Variants in ZIM2 observed in about 807,000 individuals in gnomAD.
ZIM2 encodes zinc finger imprinted 2.
ZIM2 carries 14 observed loss-of-function variants against 38.6 expected under a neutral mutation model. The observed-to-expected ratio is 0.36, with a 90% CI of 0.24 to 0.57. ZIM2 has a LOEUF of 0.57. Among genes scored for constraint, ZIM2 ranks in the 20% least tolerant of loss-of-function variants. The pLI, the probability that ZIM2 is intolerant of heterozygous loss-of-function variation, is 0.81. For synonymous variants in ZIM2, 247 were observed against 245.8 expected (o/e 1.00, Z -0.04); for missense variants, 680 against 695.1 (o/e 0.98, Z 0.24).
At chr19:56,830,356 G>A (rs1384491137) in intron 2 of ZIM2, among the ~76,000 whole-genome samples, 1 of 152,192 alleles carries the variant, frequency 6.6e-6, no homozygotes, top group Admixed American at 6.5e-5. Flanking sequence ...AGGGGAAGGG[G>A]AGCCCACAAG....
In ZIM2 at chr19:56,815,316, G is replaced by A. The variant is rs550298824; in HGVS notation, c.490+2430C>T. 6.4e-5 allele frequency: 103 copies of A among 1,614,160 alleles called. 1 individual carries two copies. In the South Asian group the frequency reaches 1.0e-3, roughly 16 times the overall value. ...TCTGGTTTGTGTTGAGGTCTTCGCT[G>A]GTAGCAAAAAATTGTCTGAAGTCCT... On this transcript the variant is annotated intron_variant, in intron 9 of 12. Coordinates refer to ENST00000629319, the MANE Select transcript of ZIM2 (RefSeq NM_001387356.1).
At chr19:56,831,058 T>C (rs913951102) in intron 2 of ZIM2, among the ~76,000 whole-genome samples, 3 of 152,192 alleles carry the variant, frequency 2.0e-5, no homozygotes, top group African/African-American at 4.8e-5. Context: ...GGTGGGGAGT[T>C]TTGACAAACT....
At chr19:56,806,510 T>A (rs775874099) in intron 9 of ZIM2, among the ~76,000 whole-genome samples, 10 of 152,338 alleles carry the variant, frequency 6.6e-5, no homozygotes, top group Non-Finnish European at 1.2e-4. Context: ...ATTAGTCACA[T>A]GCCTACTTCT....
At chr19:56,820,009 T>C (rs774320091) in intron 7 of ZIM2, among the ~76,000 whole-genome samples, 1 of 152,198 alleles carries the variant, frequency 6.6e-6, no homozygotes, top group Non-Finnish European at 1.5e-5. Flanking sequence ...CAGCAGAGCT[T>C]CACAGATAAA....
chr19:56,835,657 T>C (rs1368434460), intron 2 of ZIM2, among the ~76,000 whole-genome samples: 1 of 152,248 alleles, frequency 6.6e-6, no homozygotes, highest in Non-Finnish European at 1.5e-5. Flanking sequence ...AAACACTTCC[T>C]TTCCCCCATT....
At position 56,775,527 on chromosome 19, in the gene ZIM2, C is replaced by T. The variant is rs2045952356; in HGVS notation, c.838G>A (p.Glu280Lys). Residue 280 changes from glutamate (E) to lysine (K), a missense_variant and splice_region_variant, in exon 13 of 13, where the codon GAG becomes AAG. By Grantham distance (56) the Glu-to-Lys change is moderately conservative. Transcript: ENST00000629319. Reference protein sequence around the residue: ...DSRHTVICQGESHDDPLEPHQ... With the variant: ...DSRHTVICQGKSHDDPLEPHQ... Reference sequence around the variant, plus strand: ...GGTTCCAATGGATCATCATGAGACTCTCCTGCAGAGACAATGCCAGAAGTT... The same window carrying T: ...GGTTCCAATGGATCATCATGAGACTTTCCTGCAGAGACAATGCCAGAAGTT... 1 of 1,600,550 alleles carries T rather than the reference C, an allele frequency of 6.2e-7. No homozygotes were observed. The highest frequency in any genetic ancestry group is 1.7e-5 in the Admixed American group (1 of 57,686).
chr19:56,821,389 G>A (rs987272129), intron 7 of ZIM2, among the ~76,000 whole-genome samples: 3 of 152,132 alleles, frequency 2.0e-5, no homozygotes, highest in African/African-American at 7.2e-5. Flanking sequence ...TGTAGGGAAC[G>A]GCCAATGTGA....
Position 56,779,490 on chromosome 19 carries a change from T to TGA in ZIM2, c.740-20_740-19dup. The TGA allele has an allele frequency of 3.1e-6, 5 of 1,613,022 alleles. No individual in the cohort carries two copies. In the South Asian group the frequency reaches 5.5e-5, roughly 18 times the overall value. ...CTGGTGCCCTGTTGGAGAGGAAGACTGAGAACTCAGGGTTTCAGTAACTCC... is the reference window on the plus strand; with the variant it reads ...CTGGTGCCCTGTTGGAGAGGAAGACTGAGAGAACTCAGGGTTTCAGTAACTCC... On this transcript the variant is annotated intron_variant, in intron 11 of 12. Transcript: ENST00000629319.
At chr19:56,807,071 C>T (rs1426449565) in intron 9 of ZIM2, among the ~76,000 whole-genome samples, 2 of 152,100 alleles carry the variant, frequency 1.3e-5, no homozygotes, top group African/African-American at 2.4e-5. Flanking sequence ...GCCAAATGCC[C>T]CAAACAGTAC....
intron 1 of ZIM2, among the ~76,000 whole-genome samples, chr19:56,838,323 C>G (rs758650567): frequency 2.6e-5 from 4 of 152,212 alleles, no homozygotes; most frequent in Non-Finnish European, 5.9e-5. Flanking sequence ...ACCCAGGTGT[C>G]ACTCAAGATG....
intron 1 of ZIM2, among the ~76,000 whole-genome samples, chr19:56,837,552 G>A (rs1049705401): frequency 1.3e-5 from 2 of 152,216 alleles, no homozygotes; most frequent in African/African-American, 2.4e-5. Flanking sequence ...CCCGCTTCCC[G>A]AGGCCTGGCT....
At position 56,774,768 on chromosome 19, in the gene ZIM2, AT is replaced by A; in HGVS notation, c.1596del (p.Lys532AsnfsTer56). The A allele has an allele frequency of 6.2e-7, 1 of 1,614,164 alleles. No homozygotes were observed. The highest frequency in any genetic ancestry group is 8.5e-7 in the Non-Finnish European group (1 of 1,180,036). ...GTGAGGTATGAGGGTCGGCCGAAAC[AT>A]TTCCCACATAGCTGACACTGGTAAG... ...ERPYQCQLCG[K>X]CFGRPSYLTQ... On this transcript the variant is annotated frameshift_variant, in exon 13 of 13. Coordinates refer to ENST00000629319, the MANE Select transcript of ZIM2 (RefSeq NM_001387356.1). LOFTEE classifies it low-confidence loss of function (END_TRUNC).
At chr19:56,829,347 A>C (rs2061366936) in intron 2 of ZIM2, among the ~76,000 whole-genome samples, 1 of 151,802 alleles carries the variant, frequency 6.6e-6, no homozygotes, top group Non-Finnish European at 1.5e-5. Context: ...CCATCTCAAA[A>C]AAAAAAAAAA....
intron 9 of ZIM2, among the ~76,000 whole-genome samples, chr19:56,790,517 C>G (rs1025897361): frequency 6.6e-6 from 1 of 152,174 alleles, no homozygotes; most frequent in Admixed American, 6.5e-5. Flanking sequence ...TACACTACCC[C>G]TTAGTCACTT....
chr19:56,799,411 AC>A (rs1433473891), intron 9 of ZIM2: 1 of 152,168 alleles, frequency 6.6e-6, no homozygotes, highest in African/African-American at 2.4e-5. Flanking sequence ...GAACACATGG[AC>A]ACATGGTGGG....
At chr19:56,775,648 TC>T in intron 12 of ZIM2, 119 bp from the exon 13 acceptor site, 7 of 1,465,136 alleles carry the variant, frequency 4.8e-6, no homozygotes, top group Non-Finnish European at 6.3e-6. Flanking sequence ...AGGTCTCTTT[TC>T]CTAATCTGAA....
chr19:56,801,299 C>A (rs1476919303), intron 9 of ZIM2, among the ~76,000 whole-genome samples: 1 of 152,068 alleles, frequency 6.6e-6, no homozygotes, highest in Non-Finnish European at 1.5e-5. Flanking sequence ...ATTCTATAAT[C>A]TTTGACCTAT....
chr19:56,789,780 G>T lies in ZIM2; in HGVS notation c.570+92C>A. ...ATTTATATAAAAACTTAATGGAAAT[G>T]AGTATGTGGTTTAATTAAATAAGGA... On this transcript the variant is annotated intron_variant, in intron 10 of 12. Coordinates refer to ENST00000629319, the MANE Select transcript of ZIM2 (RefSeq NM_001387356.1). 4 of 1,102,172 alleles carry T rather than the reference G, an allele frequency of 3.6e-6. No individual in the cohort carries two copies. In the South Asian group the frequency reaches 1.2e-4, roughly 34 times the overall value. The allele number at this position is 1,102,172 out of a possible 1,614,324, so 68.3% of individuals were successfully genotyped here.
At chr19:56,826,827 C>T (rs1262793456) in intron 2 of ZIM2, among the ~76,000 whole-genome samples, 1 of 152,124 alleles carries the variant, frequency 6.6e-6, no homozygotes, top group Non-Finnish European at 1.5e-5. Flanking sequence ...ACATCTGAGG[C>T]ACAGAGAGAT....
Sources: allele counts gnomAD v4.1 joint callset (sites outside exome capture counted in the v4.1 genomes callset), GRCh38; gene constraint gnomAD v4.1.1; transcripts MANE v1.5; gene names NCBI Gene and HGNC (gene_info 2026-07-23, HGNC 2026-07-21).